EPB41L1: variants seen among roughly 807,000 people sequenced by gnomAD.
EPB41L1 encodes the protein band 4.1-like protein 1.
Under a neutral mutation model 97.8 loss-of-function variants are expected in EPB41L1, and 29 were observed. The ratio of observed to expected loss-of-function variants is 0.30; its 90% CI spans 0.22 to 0.40. EPB41L1 has a LOEUF of 0.40. EPB41L1 is among the 10% of genes least tolerant of loss of function. The pLI, the probability that EPB41L1 is intolerant of heterozygous loss-of-function variation, is 1.00. For synonymous variants in EPB41L1, 383 were observed against 459.2 expected (o/e 0.83, Z 2.12); for missense variants, 812 against 1,162.3 (o/e 0.70, Z 4.38).
At chr20:36,155,739 G>A (rs2060269154) in intron 1 of EPB41L1, 5 of 428,942 alleles carry the variant, frequency 1.2e-5, no homozygotes, top group Admixed American at 1.0e-4. Flanking sequence ...CTTTTCCCTC[G>A]GAGCTCTGAG....
intron 1 of EPB41L1, among the ~76,000 whole-genome samples, chr20:36,167,831 A>C (rs920185644): frequency 1.3e-5 from 2 of 152,120 alleles, no homozygotes; most frequent in African/African-American, 2.4e-5. Flanking sequence ...GGAGGGCCCA[A>C]GTGGTCACAG....
At chr20:36,189,005 A>G (rs190952601) in intron 9 of EPB41L1, among the ~76,000 whole-genome samples, 124 of 152,326 alleles carry the variant, frequency 8.1e-4, no homozygotes, top group Middle Eastern at 6.8e-3. Flanking sequence ...GGAAGTTTGT[A>G]CACATTTTAA....
At chr20:36,189,037 A>G (rs2061826439) in intron 9 of EPB41L1, among the ~76,000 whole-genome samples, 1 of 152,224 alleles carries the variant, frequency 6.6e-6, no homozygotes, top group African/African-American at 2.4e-5. Context: ...TCGACTATAC[A>G]TACAACACAC....
chr20:36,131,960 C>T (rs2059227101), intron 2 of EPB41L1, among the ~76,000 whole-genome samples: 1 of 152,130 alleles, frequency 6.6e-6, no homozygotes, highest in African/African-American at 2.4e-5. Flanking sequence ...GTGCTTTCCC[C>T]CACAAAGTTA....
At chr20:36,104,080 T>A (rs1383807238) in intron 1 of EPB41L1, among the ~76,000 whole-genome samples, 1 of 152,044 alleles carries the variant, frequency 6.6e-6, no homozygotes, top group Non-Finnish European at 1.5e-5. Context: ...GACAAAAAAA[T>A]AATAATAACA....
intron 1 of EPB41L1, among the ~76,000 whole-genome samples, chr20:36,168,801 C>T (rs1478149716): frequency 6.6e-6 from 1 of 151,980 alleles, no homozygotes; most frequent in Admixed American, 6.6e-5. Context: ...ATCTGCCCAC[C>T]TCAGCCTCCT....
In EPB41L1 at chr20:36,207,055, G is replaced by A. The variant is rs2062859925; in HGVS notation, c.1669-2433G>A. On this transcript the variant is annotated intron_variant, in intron 14 of 21. Coordinates refer to ENST00000338074, the MANE Select transcript of EPB41L1 (RefSeq NM_012156.2). This position sits in a 1 kb window ranked among gnomAD's most constrained non-coding sequence, Gnocchi z 4.9. The stretch of plus-strand genomic sequence containing the variant: ...TGAGCTGAAGGACCGCGAGGCTTCA[G>A]CATTTCTTCACATGGAGGTGATCAT... 7.8e-6 allele frequency: 10 copies of A among 1,289,754 alleles called. No homozygotes were observed. Among genetic ancestry groups the A allele is most frequent in the Non-Finnish European group, 1.0e-5 (10 of 988,820 alleles). The allele number at this position is 1,289,754 out of a possible 1,614,324, so 79.9% of individuals were successfully genotyped here.
intron 14 of EPB41L1, chr20:36,208,317 C>G (rs931665859): frequency 2.2e-6 from 1 of 450,804 alleles, no homozygotes; most frequent in African/African-American, 2.0e-5. Context: ...TCCGGAGATG[C>G]GGTCAGGGAA....
At chr20:36,158,822 C>T (rs941506626) in intron 1 of EPB41L1, among the ~76,000 whole-genome samples, 1 of 152,200 alleles carries the variant, frequency 6.6e-6, no homozygotes, top group Non-Finnish European at 1.5e-5. Context: ...ACTCAGTAAA[C>T]ATTACTTCTC....
intron 1 of EPB41L1, among the ~76,000 whole-genome samples, chr20:36,111,455 A>G (rs2058398360): frequency 6.6e-6 from 1 of 152,152 alleles, no homozygotes; most frequent in Non-Finnish European, 1.5e-5. Context: ...ACATACTTTG[A>G]GTGAATTACA....
intron 2 of EPB41L1, among the ~76,000 whole-genome samples, chr20:36,135,884 G>A (rs1012067226): frequency 7.2e-5 from 11 of 152,308 alleles, no homozygotes; most frequent in African/African-American, 2.6e-4. Flanking sequence ...CTCGGTAGGG[G>A]CAGAATTGAG....
At chr20:36,140,414 C>T (rs2059595710) in intron 2 of EPB41L1, among the ~76,000 whole-genome samples, 1 of 152,034 alleles carries the variant, frequency 6.6e-6, no homozygotes, top group African/African-American at 2.4e-5. Flanking sequence ...AAAGTATACA[C>T]TTGGATGTCA....
rs866672163 is a variant in EPB41L1, at chr20:36,206,287, G to A, written c.1669-3201G>A. ...GGAGGGCCAGACAGAGCTGAGGAAG[G>A]GGCTGGAGGAGCCTCACACTTGTGG... On this transcript the variant is annotated intron_variant, in intron 14 of 21. Transcript: ENST00000338074. The surrounding 1 kb of genome is among the most constrained non-coding windows in gnomAD (Gnocchi z 5.5). 4.7e-6 allele frequency: 6 copies of A among 1,289,796 alleles called. No individual in the cohort carries two copies. Among genetic ancestry groups the A allele is most frequent in the Non-Finnish European group, 6.1e-6 (6 of 988,906 alleles). The allele number at this position is 1,289,796 out of a possible 1,614,324, so 79.9% of individuals were successfully genotyped here. A position where few individuals can be genotyped will look rare whatever the true frequency, so the allele number is the denominator to read the frequency against.
chr20:36,217,451 G>A (rs1163861553), intron 17 of EPB41L1, among the ~76,000 whole-genome samples: 1 of 152,144 alleles, frequency 6.6e-6, no homozygotes, highest in African/African-American at 2.4e-5. Flanking sequence ...GACGGGACTG[G>A]CCAAGGATAC....
At position 36,212,461 on chromosome 20, in the gene EPB41L1, GC is replaced by G; in HGVS notation, c.2184+87del. 1 of 1,156,638 alleles carries G rather than the reference GC, an allele frequency of 8.6e-7. No individual in the cohort carries two copies. Among genetic ancestry groups the G allele is most frequent in the Non-Finnish European group, 1.3e-6 (1 of 776,806 alleles). The allele number at this position is 1,156,638 out of a possible 1,614,324, so 71.6% of individuals were successfully genotyped here. ...CCCACTGCTGTGGCCAAACCCCTTG[GC>G]CAGCTCTTTTAATCTCAGCTTCCCT... On this transcript the variant is annotated intron_variant, in intron 16 of 21. Transcript: ENST00000338074. This position sits in a 1 kb window ranked among gnomAD's most constrained non-coding sequence, Gnocchi z 4.8.
rs74774243 is a variant in EPB41L1 at position 36,214,649 on chromosome 20, G to A, written c.2268+209G>A. 8.6e-3 allele frequency among the ~76,000 whole-genome samples: 1,311 copies of A among 152,258 alleles called. 15 individuals carry two copies. Among genetic ancestry groups the A allele is most frequent in the African/African-American group, 0.028 (1,145 of 41,540 alleles). On this transcript the variant is annotated intron_variant, in intron 17 of 21. Coordinates refer to ENST00000338074, the MANE Select transcript of EPB41L1 (RefSeq NM_012156.2). ...CTCAGTTTTCCAAAGTGAGTAATGT[G>A]GGCGATGGAATCCCCACTGATAGTG...
chr20:36,097,781 C>A (rs1000700445), intron 1 of EPB41L1, among the ~76,000 whole-genome samples: 1 of 152,126 alleles, frequency 6.6e-6, no homozygotes, highest in African/African-American at 2.4e-5. Flanking sequence ...AATAGTTCCA[C>A]ATGGTTGGAA....
At chr20:36,200,495 G>A (rs1474827389) in intron 14 of EPB41L1, among the ~76,000 whole-genome samples, 3 of 152,182 alleles carry the variant, frequency 2.0e-5, no homozygotes, top group African/African-American at 7.2e-5. Flanking sequence ...GTGTTTAAAG[G>A]GGGCTGTAAT....
rs376703804 is a variant in EPB41L1, at chr20:36,207,488, G to A, written c.1669-2000G>A. On this transcript the variant is annotated intron_variant, in intron 14 of 21. Coordinates refer to ENST00000338074, the MANE Select transcript of EPB41L1 (RefSeq NM_012156.2). This position sits in a 1 kb window ranked among gnomAD's most constrained non-coding sequence, Gnocchi z 4.9. ...TTTGAGACCCACGGAGCTGAAACTC[G>A]CCGAATGAGTGAGGGTGAAGCAAGG... 9 of 1,289,668 alleles carry A rather than the reference G, an allele frequency of 7.0e-6. No homozygotes were observed. Among genetic ancestry groups the A allele is most frequent in the East Asian group, 5.5e-5 (1 of 18,020 alleles). The allele number at this position is 1,289,668 out of a possible 1,614,324, so 79.9% of individuals were successfully genotyped here.
Sources: allele counts gnomAD v4.1 joint callset (sites outside exome capture counted in the v4.1 genomes callset), GRCh38; gene constraint gnomAD v4.1.1; non-coding constraint Gnocchi (gnomAD v3.1); transcripts MANE v1.5; gene names NCBI Gene and HGNC (gene_info 2026-07-23, HGNC 2026-07-21).